Variants in ADGRL2 observed in about 807,000 individuals in gnomAD.
The protein encoded by ADGRL2 is calcium-independent alpha-latrotoxin receptor 2.
A neutral mutation model predicts 157.4 loss-of-function variants in ADGRL2; 44 were observed. The ratio of observed to expected loss-of-function variants is 0.28; its 90% CI spans 0.22 to 0.36. The LOEUF (loss-of-function observed/expected upper bound fraction) is 0.36, where lower values mean the gene tolerates loss of function less well. Ranked by LOEUF, ADGRL2 falls within the 10% of genes least tolerant of loss-of-function variation. ADGRL2 has a pLI of 1.00. For synonymous variants in ADGRL2, 585 were observed against 624.7 expected (o/e 0.94, Z 0.95); for missense variants, 1,510 against 1,768.9 (o/e 0.85, Z 2.63).
At chr1:81,469,937 T>C (rs1310112933) in intron 2 of ADGRL2, among the ~76,000 whole-genome samples, 3 of 152,172 alleles carry the variant, frequency 2.0e-5, no homozygotes, top group African/African-American at 7.2e-5. Context: ...TGGGTCTGGA[T>C]AGGAGTCAGC....
intron 2 of ADGRL2, among the ~76,000 whole-genome samples, chr1:81,546,527 G>A (rs957186760): frequency 2.6e-5 from 4 of 152,190 alleles, no homozygotes; most frequent in Admixed American, 6.5e-5. Flanking sequence ...CATCACAGAC[G>A]TGTTCACACC....
chr1:81,442,157 G>A (rs889693817), intron 1 of ADGRL2, among the ~76,000 whole-genome samples: 3 of 152,138 alleles, frequency 2.0e-5, no homozygotes, highest in African/African-American at 7.2e-5. Context: ...AAGCTCTCTA[G>A]AAAATATTGA....
chr1:81,361,728 T>C (rs2075981389), intron 1 of ADGRL2, among the ~76,000 whole-genome samples: 1 of 151,954 alleles, frequency 6.6e-6, no homozygotes, highest in Admixed American at 6.6e-5. Context: ...ACAAAAGGGA[T>C]AAACACTTTC....
chr1:81,711,533 T>A (rs570593551), intron 1 of ADGRL2, among the ~76,000 whole-genome samples: 2 of 152,322 alleles, frequency 1.3e-5, no homozygotes, highest in African/African-American at 4.8e-5. Flanking sequence ...TTAGCAATGA[T>A]TGTTTTTAAA....
intron 1 of ADGRL2, among the ~76,000 whole-genome samples, chr1:81,706,717 G>A (rs1010075370): frequency 1.3e-4 from 20 of 152,164 alleles, no homozygotes; most frequent in African/African-American, 4.6e-4. Context: ...AAAGAAAACT[G>A]AGAATGTCCC....
chr1:81,528,090 A>G (rs889350484), intron 2 of ADGRL2, among the ~76,000 whole-genome samples: 1 of 152,180 alleles, frequency 6.6e-6, no homozygotes, highest in Admixed American at 6.5e-5. Context: ...AAGGAAAAAG[A>G]TATCTTCTTG....
intron 1 of ADGRL2, among the ~76,000 whole-genome samples, chr1:81,341,419 A>C (rs1662063701): frequency 6.6e-6 from 1 of 151,524 alleles, no homozygotes; most frequent in South Asian, 2.1e-4. Context: ...ATTCATCAGT[A>C]GGGCTATTTA....
chr1:81,870,201 T>G (rs1453835014), intron 2 of ADGRL2, among the ~76,000 whole-genome samples: 1 of 50,966 alleles, frequency 2.0e-5, no homozygotes, highest in Non-Finnish European at 3.9e-5. Context: ...TTTGTTGAAA[T>G]AGATGATTTG....
intron 2 of ADGRL2, among the ~76,000 whole-genome samples, chr1:81,538,601 T>A (rs1478381708): frequency 6.6e-6 from 1 of 152,164 alleles, no homozygotes; most frequent in Admixed American, 6.5e-5. Context: ...CTGGATACAA[T>A]AACCACAAAT....
chr1:81,323,443 G>A (rs866213548), intron 1 of ADGRL2, among the ~76,000 whole-genome samples: 2 of 130,632 alleles, frequency 1.5e-5, no homozygotes, highest in Non-Finnish European at 3.1e-5. Context: ...GTAGAGAATA[G>A]GGTCTCACTA....
chr1:81,591,367 A>G (rs1370702985), intron 3 of ADGRL2, among the ~76,000 whole-genome samples: 3 of 152,182 alleles, frequency 2.0e-5, no homozygotes, highest in African/African-American at 7.2e-5. Context: ...CTGAGAATTT[A>G]GCCTCCTTTA....
rs142017066 is a variant in ADGRL2 at position 81,823,974 on chromosome 1, T to A, written c.-100-12911T>A. On this transcript the variant is annotated intron_variant, in intron 1 of 23. Coordinates refer to ENST00000686636, the MANE Select transcript of ADGRL2 (RefSeq NM_001366006.2). ...ATTTAAATATTTTCCAGAAAGTTTG[T>A]TAATATATTTGATGTGTTTTTTTAA... 5.7e-4 allele frequency among the ~76,000 whole-genome samples: 87 copies of A among 152,332 alleles called. 1 individual carries two copies. The highest frequency in any genetic ancestry group is 6.8e-3 in the Middle Eastern group (2 of 294).
At chr1:81,989,418 G>A (rs1664109896) in intron 23 of ADGRL2, among the ~76,000 whole-genome samples, 1 of 152,158 alleles carries the variant, frequency 6.6e-6, no homozygotes, top group Admixed American at 6.6e-5. Context: ...TGCTGTCACT[G>A]TGACTGATGC....
chr1:81,411,274 A>G (rs2076940707), intron 1 of ADGRL2, among the ~76,000 whole-genome samples: 1 of 152,222 alleles, frequency 6.6e-6, no homozygotes. Flanking sequence ...CAAACTATAG[A>G]AAGTATTTTG....
At chr1:81,659,063 T>A (rs2082597725) in intron 3 of ADGRL2, among the ~76,000 whole-genome samples, 1 of 135,020 alleles carries the variant, frequency 7.4e-6, no homozygotes, top group Admixed American at 7.4e-5. Flanking sequence ...TTTTTTTTTT[T>A]TTTTTTTTTT....
intron 2 of ADGRL2, among the ~76,000 whole-genome samples, chr1:81,848,738 A>G (rs2092894363): frequency 6.6e-6 from 1 of 151,966 alleles, no homozygotes; most frequent in Admixed American, 6.6e-5. Flanking sequence ...CAAAGTTTAC[A>G]GCCATAAGCA....
chr1:81,934,246 T>A (rs2148823139), intron 3 of ADGRL2, among the ~76,000 whole-genome samples: 1 of 152,210 alleles, frequency 6.6e-6, no homozygotes, highest in Admixed American at 6.5e-5. Context: ...AGAGGACTAC[T>A]GCAAAGTTGT....
chr1:81,720,049 G>A (rs2084247960), intron 1 of ADGRL2, among the ~76,000 whole-genome samples: 1 of 151,922 alleles, frequency 6.6e-6, no homozygotes, highest in African/African-American at 2.4e-5. Context: ...AAATGTAATG[G>A]TAGCATATGC....
intron 2 of ADGRL2, among the ~76,000 whole-genome samples, chr1:81,526,061 A>G (rs2079446906): frequency 6.6e-6 from 1 of 151,350 alleles, no homozygotes; most frequent in East Asian, 1.9e-4. Flanking sequence ...GTGTCTTCCC[A>G]GTTTAATTGG....
Sources: gnomAD v4.1 joint callset for allele counts (sites outside exome capture counted in the v4.1 genomes callset) on GRCh38, gnomAD v4.1.1 for gene constraint, MANE v1.5 for transcripts, NCBI Gene and HGNC (gene_info 2026-07-23, HGNC 2026-07-21) for gene names.